GARIN2: variants seen among roughly 807,000 people sequenced by gnomAD.
GARIN2 encodes golgi associated RAB2 interactor family member 2.
chr14:67,209,322 A>G, the GARIN2 span, among the ~76,000 whole-genome samples: 1 of 152,180 alleles, frequency 6.6e-6, no homozygotes. Flanking sequence ...GAGAGAGAAT[A>G]GAGAGTGAGA....
chr14:67,221,632 C>T, the GARIN2 span: 1 of 1,161,746 alleles, frequency 8.6e-7, no homozygotes. Flanking sequence ...GTTCTATAAT[C>T]AGCAATGGCC....
At chr14:67,191,903 C>T in the GARIN2 span, among the ~76,000 whole-genome samples, 1 of 152,238 alleles carries the variant, frequency 6.6e-6, no homozygotes, top group African/African-American at 2.4e-5. Context: ...TACTGTAATT[C>T]TGCAGAAACG....
chr14:67,206,268 G>C, the GARIN2 span, among the ~76,000 whole-genome samples: 4 of 152,134 alleles, frequency 2.6e-5, no homozygotes, highest in Non-Finnish European at 1.5e-5. Context: ...GGAGACCGAG[G>C]CGGGCAGATC....
chr14:67,194,362 A>G, the GARIN2 span, among the ~76,000 whole-genome samples: 2 of 142,880 alleles, frequency 1.4e-5, no homozygotes, highest in South Asian at 2.2e-4. Context: ...AGACCTGTAG[A>G]AAAAAAAAAA....
At chr14:67,204,521 G>A in the GARIN2 span, 65 of 1,607,618 alleles carry the variant, frequency 4.0e-5, no homozygotes, top group Middle Eastern at 6.7e-4. Flanking sequence ...TGATGTTACC[G>A]TGTGCTTGTT....
At chr14:67,224,797 C>G in the GARIN2 span, 1 of 252,302 alleles carries the variant, frequency 4.0e-6, no homozygotes, top group African/African-American at 2.3e-5. Flanking sequence ...TTCCATGTTC[C>G]TCTTAAATAT....
At chr14:67,221,849 G>A in the GARIN2 span, 1 of 1,605,676 alleles carries the variant, frequency 6.2e-7, no homozygotes. Context: ...GTGATCCCTG[G>A]TATTCAGTAG....
chr14:67,203,231 T>C, the GARIN2 span: 1 of 1,612,868 alleles, frequency 6.2e-7, no homozygotes, highest in South Asian at 1.1e-5. Flanking sequence ...CCCAAAAAGA[T>C]ACAGAAACCC....
the GARIN2 span, among the ~76,000 whole-genome samples, chr14:67,217,627 A>G: frequency 6.6e-6 from 1 of 152,114 alleles, no homozygotes; most frequent in Non-Finnish European, 1.5e-5. Flanking sequence ...GGTGGCTATC[A>G]TCTTTTCATT....
At chr14:67,225,066 C>T in the GARIN2 span, 2 of 1,477,896 alleles carry the variant, frequency 1.4e-6, no homozygotes, top group Non-Finnish European at 1.8e-6. Flanking sequence ...CTCACTTCCT[C>T]TCTATTGATC....
At chr14:67,206,961 C>T in the GARIN2 span, among the ~76,000 whole-genome samples, 4 of 152,038 alleles carry the variant, frequency 2.6e-5, no homozygotes, top group Admixed American at 2.6e-4. Flanking sequence ...AACTTCTGGC[C>T]TCAAGTGATC....
At chr14:67,190,687 G>A in the GARIN2 span, among the ~76,000 whole-genome samples, 1 of 152,174 alleles carries the variant, frequency 6.6e-6, no homozygotes, top group Non-Finnish European at 1.5e-5. Flanking sequence ...AAAGCTGAAA[G>A]GTTGGGCATG....
the GARIN2 span, chr14:67,198,158 C>T: frequency 8.1e-4 from 1,305 of 1,608,700 alleles, 14 homozygotes; most frequent in African/African-American, 0.014. Context: ...TATGTGCAAG[C>T]GCAATGAAGA....
chr14:67,190,068 AT>A, the GARIN2 span, among the ~76,000 whole-genome samples: 15,332 of 115,396 alleles, frequency 0.13, 909 homozygotes, highest in African/African-American at 0.24. Flanking sequence ...TGCCCAGCTA[AT>A]TTTTTTTTTT....
At chr14:67,212,207 T>C in the GARIN2 span, among the ~76,000 whole-genome samples, 1 of 152,160 alleles carries the variant, frequency 6.6e-6, no homozygotes, top group Non-Finnish European at 1.5e-5. Flanking sequence ...ACTTTGGACA[T>C]ATTAGTTGCT....
At chr14:67,216,879 T>C in the GARIN2 span, among the ~76,000 whole-genome samples, 1 of 152,184 alleles carries the variant, frequency 6.6e-6, no homozygotes, top group Admixed American at 6.5e-5. Context: ...AAAGAATGTG[T>C]ACTGTGCAGC....
chr14:67,218,230 G>T, the GARIN2 span, among the ~76,000 whole-genome samples: 1 of 152,214 alleles, frequency 6.6e-6, no homozygotes, highest in Non-Finnish European at 1.5e-5. Context: ...GTGGCCAGAA[G>T]CATGATCACA....
the GARIN2 span, among the ~76,000 whole-genome samples, chr14:67,212,627 A>ATATGTATATG: frequency 1.4e-5 from 2 of 145,618 alleles, no homozygotes; most frequent in South Asian, 4.2e-4. Context: ...AATATATATT[A>ATATGTATATG]TATATAATAT....
the GARIN2 span, among the ~76,000 whole-genome samples, chr14:67,202,621 CTA>C: frequency 1.3e-5 from 2 of 152,034 alleles, no homozygotes; most frequent in African/African-American, 4.8e-5. Flanking sequence ...TTAATTGGCT[CTA>C]TGGAATTTAA....
Sources: gnomAD v4.1 joint callset for allele counts (sites outside exome capture counted in the v4.1 genomes callset) on GRCh38, gnomAD v4.1.1 for gene constraint, MANE v1.5 for transcripts, NCBI Gene and HGNC (gene_info 2026-07-23, HGNC 2026-07-21) for gene names.